NRDC: variants seen among roughly 807,000 people sequenced by gnomAD.
The protein encoded by NRDC is nardilysin convertase.
In NRDC, 54 loss-of-function variants were observed where a neutral mutation model predicts 147.1. The ratio of observed to expected loss-of-function variants is 0.37; its 90% CI spans 0.29 to 0.46. NRDC has a LOEUF of 0.46. NRDC is among the 20% of genes least tolerant of loss of function. The pLI, the probability that NRDC is intolerant of heterozygous loss-of-function variation, is 1.00. For synonymous variants in NRDC, 440 were observed against 482.1 expected (o/e 0.91, Z 1.14); for missense variants, 1,082 against 1,370.6 (o/e 0.79, Z 3.33).
chr1:51,795,325 C>G (rs1678847147), intron 22 of NRDC: 1 of 748,764 alleles, frequency 1.3e-6, no homozygotes, highest in African/African-American at 1.8e-5. Context: ...TAGCTCTTCT[C>G]TAAAGTGATT....
chr1:51,844,690 G>A (rs1411892166), intron 1 of NRDC, among the ~76,000 whole-genome samples: 1 of 150,296 alleles, frequency 6.7e-6, no homozygotes, highest in Non-Finnish European at 1.5e-5. Context: ...GCTGCAGTGA[G>A]CCGAGATGGC....
At chr1:51,824,353 T>C (rs1296025337) in intron 6 of NRDC, among the ~76,000 whole-genome samples, 2 of 152,094 alleles carry the variant, frequency 1.3e-5, no homozygotes, top group Non-Finnish European at 2.9e-5. Flanking sequence ...CTCAAACTCC[T>C]GACCTCATGA....
chr1:51,799,417 A>G (rs1004336233), intron 21 of NRDC, among the ~76,000 whole-genome samples: 15 of 151,124 alleles, frequency 9.9e-5, no homozygotes, highest in Non-Finnish European at 2.2e-4. Flanking sequence ...TCTAACATAT[A>G]TCTAGTTATT....
chr1:51,808,988 C>A (rs2149199115), intron 17 of NRDC, among the ~76,000 whole-genome samples: 1 of 152,266 alleles, frequency 6.6e-6, no homozygotes, highest in East Asian at 1.9e-4. Context: ...ATAGAAAAAT[C>A]TGGCAAGATA....
At chr1:51,795,241 T>G (rs1557897033) in intron 22 of NRDC, 2 of 1,280,590 alleles carry the variant, frequency 1.6e-6, no homozygotes, top group Non-Finnish European at 2.0e-6. Context: ...CATTTAATAC[T>G]GAGTGAATAC....
At chr1:51,814,901 A>C in intron 11 of NRDC, 88 bp from the exon 12 acceptor site, 1 of 1,333,776 alleles carries the variant, frequency 7.5e-7, no homozygotes. Context: ...GAGGCTTTCT[A>C]TGTAAAATGT....
chr1:51,800,495 C>T lies in NRDC; in HGVS notation c.2441+61G>A. 6 of 1,583,756 alleles carry T rather than the reference C, an allele frequency of 3.8e-6. No individual in the cohort carries two copies. The Admixed American group carries it at 6.9e-5, about 18-fold the overall frequency. On this transcript the variant is annotated intron_variant, in intron 21 of 30. Transcript: ENST00000352171. ...CTATAGCCTTAACCCCCACACCCAC[C>T]CACTAGGGAGAGTAATACTTTCAGG...
chr1:51,809,269 A>G, intron 17 of NRDC, 46 bp downstream of exon 17: 1 of 1,231,502 alleles, frequency 8.1e-7, no homozygotes, highest in East Asian at 2.3e-5. Flanking sequence ...ACAGGTGCCT[A>G]TTAGCACATG....
rs78501219 is a variant in NRDC at position 51,809,008 on chromosome 1, C to G, written c.1990+307G>C. On this transcript the variant is annotated intron_variant, in intron 17 of 30. Transcript: ENST00000352171. ...AAAATCTGGCAAGATAATGGCAATCCCTAAGGAGATTGGTATGAAAGGATC... is the reference window on the plus strand; with the variant it reads ...AAAATCTGGCAAGATAATGGCAATCGCTAAGGAGATTGGTATGAAAGGATC... Among the ~76,000 whole-genome samples the G allele has an allele frequency of 7.8e-3, 1,189 of 152,186 alleles. 15 individuals are homozygous for G. The highest frequency in any genetic ancestry group is 0.028 in the African/African-American group (1,145 of 41,506).
Position 51,789,634 on chromosome 1 carries a change from T to G in NRDC, c.3192A>C (p.Ser1064=). Residue 1064 remains serine, a synonymous_variant, in exon 30 of 31, where the codon TCA becomes TCC. Coordinates refer to ENST00000352171, the MANE Select transcript of NRDC (RefSeq NM_001101662.2). ...AHEIEALKSF[S]KSDLVNWFKA... is the part of the protein sequence containing the mutation. Reference sequence around the variant, plus strand: ...TGAACCAGTTGACCAGGTCTGATTTTGAGAATGACTTCAGTGCTTCAATCT... The same window carrying G: ...TGAACCAGTTGACCAGGTCTGATTTGGAGAATGACTTCAGTGCTTCAATCT... The G allele has an allele frequency of 6.2e-7, 1 of 1,613,582 alleles. No homozygotes were observed. Among genetic ancestry groups the G allele is most frequent in the East Asian group, 2.2e-5 (1 of 44,886 alleles).
At chr1:51,855,513 C>T (rs1013055999) in intron 1 of NRDC, among the ~76,000 whole-genome samples, 6 of 151,650 alleles carry the variant, frequency 4.0e-5, no homozygotes, top group Non-Finnish European at 7.4e-5. Flanking sequence ...GAAAAGAGTT[C>T]ACTGTATACT....
intron 1 of NRDC, among the ~76,000 whole-genome samples, chr1:51,845,905 G>C (rs768465191): frequency 2.0e-5 from 3 of 151,700 alleles, no homozygotes; most frequent in South Asian, 2.1e-4. Flanking sequence ...ATACATAGTA[G>C]GTACTTAATA....
At chr1:51,824,116 C>T (rs1387411059) in intron 6 of NRDC, among the ~76,000 whole-genome samples, 3 of 150,488 alleles carry the variant, frequency 2.0e-5, no homozygotes, top group Non-Finnish European at 4.4e-5. Context: ...ATATTTTTGC[C>T]TAATTCTTTT....
rs776046746 is a variant in NRDC at position 51,816,330 on chromosome 1, A to T, written c.1421T>A (p.Leu474His). Reference sequence around the variant, plus strand: ...TACTTGCTTTTTCCTAAGGAAAGAAAGAATGCTGCCTTTGCCTTCATGTCC... The same window carrying T: ...TACTTGCTTTTTCCTAAGGAAAGAATGAATGCTGCCTTTGCCTTCATGTCC... ...LVGHEGKGSI[L>H]SFLRKKCWAL... The change falls in exon 11 of 31, where the codon CTT (leucine) becomes CAT (histidine). Residue 474 changes from leucine (L) to histidine (H), a missense_variant. Transcript: ENST00000352171. 1 of 1,597,788 alleles carries T rather than the reference A, an allele frequency of 6.3e-7. No individual in the cohort carries two copies. The highest frequency in any genetic ancestry group is 1.1e-5 in the South Asian group (1 of 88,004).
At chr1:51,790,687 A>G (rs41293251) in intron 28 of NRDC, 38 bp from the exon 29 acceptor site, 84,160 of 1,404,506 alleles carry the variant, frequency 0.06, 3,141 homozygotes, top group Admixed American at 0.15. Context: ...AGGTGAGGCA[A>G]CATACCACTT....
chr1:51,877,030 T>C (rs549515555), intron 1 of NRDC, among the ~76,000 whole-genome samples: 1 of 151,712 alleles, frequency 6.6e-6, no homozygotes, highest in African/African-American at 2.4e-5. Flanking sequence ...CCACTAAAAA[T>C]ACAAAAAATT....
chr1:51,827,904 G>C, intron 4 of NRDC, 35 bp from the exon 5 acceptor site: 1 of 1,552,974 alleles, frequency 6.4e-7, no homozygotes, highest in Non-Finnish European at 8.9e-7. Context: ...TTCCGTTTTT[G>C]TTCACTTTCA....
At chr1:51,877,029 A>T (rs1019652077) in intron 1 of NRDC, among the ~76,000 whole-genome samples, 13 of 152,170 alleles carry the variant, frequency 8.5e-5, no homozygotes, top group Non-Finnish European at 1.8e-4. Flanking sequence ...TCCACTAAAA[A>T]TACAAAAAAT....
At chr1:51,828,192 G>A (rs1375907219) in intron 4 of NRDC, among the ~76,000 whole-genome samples, 9 of 152,152 alleles carry the variant, frequency 5.9e-5, no homozygotes, top group Admixed American at 5.9e-4. Flanking sequence ...CTTACCTCAA[G>A]AAATATCCTG....
Sources: allele counts gnomAD v4.1 joint callset (sites outside exome capture counted in the v4.1 genomes callset), GRCh38; gene constraint gnomAD v4.1.1; transcripts MANE v1.5; gene names NCBI Gene and HGNC (gene_info 2026-07-23, HGNC 2026-07-21).